The following GALNT13 variants were observed in gnomAD, a reference collection of about 807,000 sequenced individuals.
GALNT13 encodes the protein polypeptide N-acetylgalactosaminyltransferase 13, also known as UDP-GalNAc:polypeptide N-acetylgalactosaminyltransferase 13.
A neutral mutation model predicts 64.2 loss-of-function variants in GALNT13; 28 were observed. That is an observed-to-expected ratio of 0.44 (90% CI 0.32 to 0.60). GALNT13 has a LOEUF of 0.60. Ranked by LOEUF, GALNT13 falls within the 20% of genes least tolerant of loss-of-function variation. The pLI is 0.05. For missense variants in GALNT13, 577 were observed against 669.8 expected (o/e 0.86, Z 1.53); for synonymous variants, 214 against 224.6 (o/e 0.95, Z 0.42).
chr2:153,184,957 C>A, the GALNT13 span, among the ~76,000 whole-genome samples: 1 of 152,172 alleles, frequency 6.6e-6, no homozygotes, highest in African/African-American at 2.4e-5. Flanking sequence ...GTTTTGGTAT[C>A]AGAATGATGC....
Position 153,882,187 on chromosome 2 carries a change from C to T in GALNT13, c.-177+9884C>T, listed in dbSNP as rs544729371. Among the ~76,000 whole-genome samples, 104 of 137,798 alleles carry T rather than the reference C, an allele frequency of 7.5e-4. 1 individual carries two copies. Among genetic ancestry groups the T allele is most frequent in the African/African-American group, 2.8e-3 (102 of 36,828 alleles). 90.4% of individuals were successfully genotyped at this position (137,798 alleles called of 152,430 possible). The stretch of plus-strand genomic sequence containing the variant: ...AACTGCCTAGAATGTAGGGGGGGGT[C>T]GAGGCAGGGGGAGGTGGGTTGGTGG... On this transcript the variant is annotated intron_variant, in intron 1 of 12. Coordinates refer to ENST00000392825, the MANE Select transcript of GALNT13 (RefSeq NM_052917.4).
the GALNT13 span, among the ~76,000 whole-genome samples, chr2:153,468,193 A>T: frequency 6.6e-6 from 1 of 152,078 alleles, no homozygotes; most frequent in Admixed American, 6.5e-5. Context: ...AAATATTCTT[A>T]TCTCAAAAAT....
downstream of GALNT13, among the ~76,000 whole-genome samples, chr2:154,456,479 A>C (rs1303429800): frequency 1.3e-5 from 2 of 152,044 alleles, no homozygotes; most frequent in African/African-American, 4.8e-5. Flanking sequence ...TTTCAAATAG[A>C]TAAACAACGT....
the GALNT13 span, among the ~76,000 whole-genome samples, chr2:153,120,614 G>T: frequency 6.6e-6 from 1 of 152,154 alleles, no homozygotes; most frequent in African/African-American, 2.4e-5. Flanking sequence ...CTTCCTTTTA[G>T]TTGGAATTTT....
chr2:153,925,534 A>G (rs1180176546), intron 2 of GALNT13, among the ~76,000 whole-genome samples: 3 of 110,470 alleles, frequency 2.7e-5, no homozygotes, highest in East Asian at 2.5e-4. Flanking sequence ...TGTCTTGGCT[A>G]TTTGAGCTCT....
At chr2:153,515,176 C>T in the GALNT13 span, among the ~76,000 whole-genome samples, 1 of 152,130 alleles carries the variant, frequency 6.6e-6, no homozygotes, top group Non-Finnish European at 1.5e-5. Flanking sequence ...GGGGTTTAAA[C>T]CCTTCAGTGA....
the GALNT13 span, among the ~76,000 whole-genome samples, chr2:153,572,416 G>T: frequency 4.6e-4 from 69 of 148,604 alleles, no homozygotes; most frequent in East Asian, 0.011. Context: ...TTGTTTTATC[G>T]ATCTTTTGTA....
chr2:153,499,195 A>G, the GALNT13 span, among the ~76,000 whole-genome samples: 1 of 152,312 alleles, frequency 6.6e-6, no homozygotes, highest in African/African-American at 2.4e-5. Flanking sequence ...TGAGGTACAC[A>G]GACAACTGGA....
chr2:153,347,897 G>A, the GALNT13 span, among the ~76,000 whole-genome samples: 1 of 152,164 alleles, frequency 6.6e-6, no homozygotes, highest in Non-Finnish European at 1.5e-5. Context: ...AAAATGAGTA[G>A]TGTTAATGCA....
the GALNT13 span, among the ~76,000 whole-genome samples, chr2:153,392,344 C>A: frequency 0.016 from 2,392 of 151,318 alleles, 57 homozygotes; most frequent in African/African-American, 0.053. Flanking sequence ...TAAAAAAAAA[C>A]CCCACAAAAA....
At position 154,118,921 on chromosome 2, in the gene GALNT13, G is replaced by A. The variant is rs1054962619; in HGVS notation, c.143-21416G>A. ...ATGTATCCCTTGATAATTTATTTTCGCTATAGTTGTTGTTTTGCATTTTAA... is the reference window on the plus strand; with the variant it reads ...ATGTATCCCTTGATAATTTATTTTCACTATAGTTGTTGTTTTGCATTTTAA... On this transcript the variant is annotated intron_variant, in intron 3 of 12. Transcript: ENST00000392825. 1.9e-4 allele frequency among the ~76,000 whole-genome samples: 29 copies of A among 151,820 alleles called. 1 individual carries two copies. Among genetic ancestry groups the A allele is most frequent in the South Asian group, 2.1e-4 (1 of 4,826 alleles).
At chr2:153,706,251 T>C in the GALNT13 span, among the ~76,000 whole-genome samples, 34 of 152,224 alleles carry the variant, frequency 2.2e-4, no homozygotes, top group East Asian at 6.2e-3. Context: ...CACCTCGGCC[T>C]TCCAAAGTGC....
chr2:154,222,371 C>G (rs975424539), intron 4 of GALNT13, among the ~76,000 whole-genome samples: 1 of 152,044 alleles, frequency 6.6e-6, no homozygotes, highest in African/African-American at 2.4e-5. Flanking sequence ...TTCATTGAAA[C>G]TATATTCTGA....
At chr2:154,248,183 G>C (rs1689882459) in intron 7 of GALNT13, among the ~76,000 whole-genome samples, 1 of 152,060 alleles carries the variant, frequency 6.6e-6, no homozygotes, top group African/African-American at 2.4e-5. Flanking sequence ...TCATCATTTA[G>C]AAATACAATC....
At chr2:154,250,115 CTGCTT>C (rs1241517245) in intron 7 of GALNT13, among the ~76,000 whole-genome samples, 2 of 152,034 alleles carry the variant, frequency 1.3e-5, no homozygotes, top group Non-Finnish European at 2.9e-5. Flanking sequence ...ATTATTCTCC[CTGCTT>C]TGCTTAACTC....
chr2:154,107,529 G>T (rs1222486728), intron 3 of GALNT13, among the ~76,000 whole-genome samples: 1 of 149,878 alleles, frequency 6.7e-6, no homozygotes, highest in African/African-American at 2.5e-5. Flanking sequence ...GGTGGAGGTT[G>T]CAGTGAGCCG....
At chr2:153,818,696 A>C in the GALNT13 span, among the ~76,000 whole-genome samples, 2,585 of 152,238 alleles carry the variant, frequency 0.017, 80 homozygotes, top group African/African-American at 0.059. Flanking sequence ...GAGAAATGCA[A>C]GTGTGTCACA....
At chr2:153,171,221 T>C in the GALNT13 span, among the ~76,000 whole-genome samples, 1 of 152,320 alleles carries the variant, frequency 6.6e-6, no homozygotes, top group African/African-American at 2.4e-5. Context: ...ATCTGAGAAG[T>C]GAGAAGCTGT....
the GALNT13 span, among the ~76,000 whole-genome samples, chr2:153,775,649 G>A: frequency 7.2e-5 from 11 of 151,774 alleles, no homozygotes; most frequent in East Asian, 3.9e-4. Context: ...TTTTCATCAT[G>A]TACTCAGCTT....
Sources: allele counts gnomAD v4.1 joint callset (sites outside exome capture counted in the v4.1 genomes callset), GRCh38; gene constraint gnomAD v4.1.1; transcripts MANE v1.5; gene names NCBI Gene and HGNC (gene_info 2026-07-23, HGNC 2026-07-21).